Variants in MANSC1 observed in about 807,000 individuals in gnomAD.
MANSC1 encodes MANSC domain-containing protein 1.
MANSC1 carries 13 observed loss-of-function variants against 14.1 expected under a neutral mutation model. The ratio of observed to expected loss-of-function variants is 0.92; its 90% CI spans 0.60 to 1.46. The LOEUF is 1.46. MANSC1 is among the 40% of genes most tolerant of loss of function. The probability of loss-of-function intolerance (pLI) is 0.00; values close to 1 mark genes in which losing one functional copy is unlikely to be tolerated. For synonymous variants in MANSC1, 227 were observed against 200.7 expected (o/e 1.13, Z -1.11); for missense variants, 486 against 511.4 (o/e 0.95, Z 0.48).
At chr12:12,331,526 G>T (rs1034964135) in intron 3 of MANSC1, among the ~76,000 whole-genome samples, 1 of 152,216 alleles carries the variant, frequency 6.6e-6, no homozygotes, top group South Asian at 2.1e-4. Context: ...GAGAATGCGG[G>T]GGAAGGTGTG....
chr12:12,337,817 C>T (rs1327041371), intron 3 of MANSC1, among the ~76,000 whole-genome samples: 1 of 152,106 alleles, frequency 6.6e-6, no homozygotes, highest in Non-Finnish European at 1.5e-5. Context: ...TATTTATTTT[C>T]CATTCTGAAT....
At chr12:12,346,883 A>G (rs568925608) in intron 1 of MANSC1, among the ~76,000 whole-genome samples, 2 of 152,324 alleles carry the variant, frequency 1.3e-5, no homozygotes, top group African/African-American at 4.8e-5. Context: ...ACTTCATTAA[A>G]TTTAAAAACT....
intron 1 of MANSC1, 107 bp downstream of exon 1, chr12:12,349,971 G>A (rs1347463111): frequency 6.6e-6 from 1 of 152,342 alleles, no homozygotes; most frequent in African/African-American, 2.4e-5. Flanking sequence ...ATGCTCGGGT[G>A]TGGGTGAAGG....
rs1170298982 is a variant in MANSC1, at chr12:12,328,744, T to G, written c.*1283A>C. The G allele has an allele frequency of 6.6e-6, 1 of 151,170 alleles. No individual in the cohort carries two copies. Among genetic ancestry groups the G allele is most frequent in the Non-Finnish European group, 1.5e-5 (1 of 67,788 alleles). 9.4% of individuals were successfully genotyped at this position (151,170 alleles called of 1,614,324 possible). On this transcript the variant is annotated 3_prime_UTR_variant, in exon 4 of 4. Transcript: ENST00000535902. ...TGGCTCACGCCTGTAATCCCAGCAC[T>G]TTGGGAGGCCGAGGCGGGCGGATCA...
Position 12,330,931 on chromosome 12 carries a change from G to A in MANSC1, c.392C>T (p.Pro131Leu), listed in dbSNP as rs759131898. ...TDFPSLTRNL[P>L]SQELPQEDSL... ...ATCTTCCTGGGGTAACTCTTGGCTT[G>A]GCAAATTTCTGGTCAAAGATGGAAA... Residue 131 changes from proline (P) to leucine (L), a missense_variant, in exon 4 of 4, where the codon CCA becomes CTA. Pro to Leu is a moderately conservative substitution (Grantham distance 98, BLOSUM62 -3). Transcript: ENST00000535902. 2.5e-6 allele frequency: 4 copies of A among 1,580,958 alleles called. No homozygotes were observed. The highest frequency in any genetic ancestry group is 3.4e-6 in the Non-Finnish European group (4 of 1,166,436).
intron 2 of MANSC1, chr12:12,338,890 AACAC>A (rs56183211): frequency 4.3e-4 from 82 of 192,922 alleles, no homozygotes; most frequent in South Asian, 9.9e-4. Flanking sequence ...CACACACACA[AACAC>A]ACACACACAC....
chr12:12,339,505 C>T (rs1001371614), intron 2 of MANSC1, among the ~76,000 whole-genome samples: 4 of 152,082 alleles, frequency 2.6e-5, no homozygotes, highest in Non-Finnish European at 5.9e-5. Flanking sequence ...TGGGCTCAAG[C>T]TGTTTGCCCT....
chr12:12,349,472 G>C (rs1016335538), intron 1 of MANSC1, among the ~76,000 whole-genome samples: 2 of 152,166 alleles, frequency 1.3e-5, no homozygotes, highest in African/African-American at 4.8e-5. Flanking sequence ...TTAGGTTAGC[G>C]ACGTTTTCTA....
chr12:12,345,084 G>C (rs1015899345), intron 1 of MANSC1, among the ~76,000 whole-genome samples: 2 of 149,072 alleles, frequency 1.3e-5, no homozygotes, highest in African/African-American at 2.5e-5. Flanking sequence ...GGGAGGTCAA[G>C]TCACGTGGGC....
chr12:12,327,416 C>T lies in MANSC1; in HGVS notation c.*2611G>A, dbSNP rs1862721947. ...GCACTCTTTCCACTCCAGATGTCCC[C>T]TACAACCTATATCCTCACGGCCACT... On this transcript the variant is annotated 3_prime_UTR_variant, in exon 4 of 4. Coordinates refer to ENST00000535902, the MANE Select transcript of MANSC1 (RefSeq NM_018050.4). The T allele has an allele frequency of 6.6e-6, 1 of 152,216 alleles. No homozygotes were observed. Among genetic ancestry groups the T allele is most frequent in the Admixed American group, 6.5e-5 (1 of 15,270 alleles). 9.4% of individuals were successfully genotyped at this position (152,216 alleles called of 1,614,324 possible).
At chr12:12,336,008 C>T (rs376220188) in intron 3 of MANSC1, among the ~76,000 whole-genome samples, 2 of 152,098 alleles carry the variant, frequency 1.3e-5, no homozygotes, top group Non-Finnish European at 2.9e-5. Flanking sequence ...TGTGGTGAAA[C>T]CCTATCTCTA....
At chr12:12,339,845 C>T (rs1442199086) in intron 2 of MANSC1, among the ~76,000 whole-genome samples, 1 of 151,830 alleles carries the variant, frequency 6.6e-6, no homozygotes, top group Non-Finnish European at 1.5e-5. Flanking sequence ...CAGGGTCTTG[C>T]TCTGTCATCC....
chr12:12,326,630 T>G lies in MANSC1; in HGVS notation c.*3397A>C, dbSNP rs977386781. 2.0e-5 allele frequency: 3 copies of G among 149,840 alleles called. No homozygotes were observed. Among genetic ancestry groups the G allele is most frequent in the Non-Finnish European group, 3.0e-5 (2 of 67,552 alleles). 9.3% of individuals were successfully genotyped at this position (149,840 alleles called of 1,614,324 possible). A position where few individuals can be genotyped will look rare whatever the true frequency, so the allele number is the denominator to read the frequency against. On this transcript the variant is annotated 3_prime_UTR_variant, in exon 4 of 4. Transcript: ENST00000535902. Reference sequence around the variant, plus strand: ...TTTTTTTTTGTTGTTGTTGTTTTGTTTTTTTTTTTGAGATGGGCTCTCGTT... The same window carrying G: ...TTTTTTTTTGTTGTTGTTGTTTTGTGTTTTTTTTTGAGATGGGCTCTCGTT...
In MANSC1 at chr12:12,327,593, AAATCCATT is replaced by A. The variant is rs1257176781; in HGVS notation, c.*2426_*2433del. 6.6e-6 allele frequency: 1 copy of A among 152,210 alleles called. No homozygotes were observed. The highest frequency in any genetic ancestry group is 2.4e-5 in the African/African-American group (1 of 41,448). 9.4% of individuals were successfully genotyped at this position (152,210 alleles called of 1,614,324 possible). A position where few individuals can be genotyped will look rare whatever the true frequency, so the allele number is the denominator to read the frequency against. Reference sequence around the variant, plus strand: ...ACAGAAAGCCTGATTTCCACTCGCTAAATCCATTAATAAAGAGAGGAGAAATTTTAAAA... The same window carrying A: ...ACAGAAAGCCTGATTTCCACTCGCTAAATAAAGAGAGGAGAAATTTTAAAA... On this transcript the variant is annotated 3_prime_UTR_variant, in exon 4 of 4. Coordinates refer to ENST00000535902, the MANE Select transcript of MANSC1 (RefSeq NM_018050.4).
In MANSC1 at chr12:12,329,136, C is replaced by T. The variant is rs1190159669; in HGVS notation, c.*891G>A. 1 of 152,160 alleles carries T rather than the reference C, an allele frequency of 6.6e-6. No homozygotes were observed. The highest frequency in any genetic ancestry group is 1.5e-5 in the Non-Finnish European group (1 of 68,030). The allele number at this position is 152,160 out of a possible 1,614,324, so 9.4% of individuals were successfully genotyped here. On this transcript the variant is annotated 3_prime_UTR_variant, in exon 4 of 4. Transcript: ENST00000535902. Reference sequence around the variant, plus strand: ...AGATTCTCCCAAGTGAAGCTCTTTGCTCACTGATGGGAAAAAGGGGGGGTT... The same window carrying T: ...AGATTCTCCCAAGTGAAGCTCTTTGTTCACTGATGGGAAAAAGGGGGGGTT...
chr12:12,338,139 C>T (rs934000440), intron 3 of MANSC1, among the ~76,000 whole-genome samples: 1 of 152,168 alleles, frequency 6.6e-6, no homozygotes, highest in Admixed American at 6.5e-5. Flanking sequence ...CCAGTGTTGC[C>T]GACCTTGTTC....
chr12:12,331,221 A>G (rs1862785752), intron 3 of MANSC1, among the ~76,000 whole-genome samples: 1 of 152,178 alleles, frequency 6.6e-6, no homozygotes, highest in South Asian at 2.1e-4. Flanking sequence ...CATTTCATTG[A>G]AATGTGTGCA....
intron 2 of MANSC1, among the ~76,000 whole-genome samples, chr12:12,341,931 G>A (rs906860768): frequency 3.9e-5 from 6 of 152,212 alleles, no homozygotes; most frequent in Non-Finnish European, 7.3e-5. Flanking sequence ...GGCAGAGAAT[G>A]CAGTGAGCCA....
At chr12:12,344,948 T>TAC (rs1862989940) in intron 1 of MANSC1, among the ~76,000 whole-genome samples, 2 of 94,330 alleles carry the variant, frequency 2.1e-5, no homozygotes, top group Non-Finnish European at 2.1e-5. Flanking sequence ...TATATATATA[T>TAC]ATATATATAT....
Sources: gnomAD v4.1 joint callset for allele counts (sites outside exome capture counted in the v4.1 genomes callset) on GRCh38, gnomAD v4.1.1 for gene constraint, MANE v1.5 for transcripts, NCBI Gene and HGNC (gene_info 2026-07-23, HGNC 2026-07-21) for gene names.